PHTF2: variants seen among roughly 807,000 people sequenced by gnomAD.
The protein encoded by PHTF2 is protein PHTF2.
PHTF2 carries 60 observed loss-of-function variants against 101.2 expected under a neutral mutation model. The ratio of observed to expected loss-of-function variants is 0.59; its 90% CI spans 0.48 to 0.73. The LOEUF (loss-of-function observed/expected upper bound fraction) is 0.73. Ranked by LOEUF, PHTF2 falls within the 30% of genes least tolerant of loss-of-function variation. The pLI, the probability that PHTF2 is intolerant of heterozygous loss-of-function variation, is 0.00. For synonymous variants in PHTF2, 311 were observed against 307.3 expected (o/e 1.01, Z -0.13); for missense variants, 747 against 908.7 (o/e 0.82, Z 2.29).
At chr7:77,849,208 C>G (rs1796542071) in intron 2 of PHTF2, among the ~76,000 whole-genome samples, 2 of 152,088 alleles carry the variant, frequency 1.3e-5, no homozygotes, top group Admixed American at 1.3e-4. Context: ...ACTGCAACCT[C>G]TGCCTCCTGG....
intron 9 of PHTF2, among the ~76,000 whole-genome samples, chr7:77,916,843 A>G (rs943175106): frequency 6.6e-6 from 1 of 152,206 alleles, no homozygotes; most frequent in African/African-American, 2.4e-5. Flanking sequence ...ATACGTCTGT[A>G]CATGTTCAGT....
chr7:77,929,052 T>C, intron 11 of PHTF2, 57 bp from the exon 11 acceptor site: 3 of 1,296,142 alleles, frequency 2.3e-6, no homozygotes, highest in Non-Finnish European at 3.3e-6. Flanking sequence ...GATAGTATCC[T>C]TTGAGTTGGA....
At chr7:77,846,287 C>T (rs530400613) in intron 2 of PHTF2, among the ~76,000 whole-genome samples, 5 of 152,244 alleles carry the variant, frequency 3.3e-5, no homozygotes, top group African/African-American at 1.2e-4. Flanking sequence ...TTTCCCTTGC[C>T]AGTGACTGGC....
At chr7:77,923,987 T>A (rs941070404) in intron 11 of PHTF2, 1 of 910,716 alleles carries the variant, frequency 1.1e-6, no homozygotes. Flanking sequence ...ACATCTTTTT[T>A]AATGATATAA....
At chr7:77,910,988 G>A (rs930552926) in intron 9 of PHTF2, among the ~76,000 whole-genome samples, 2 of 152,042 alleles carry the variant, frequency 1.3e-5, no homozygotes, top group Middle Eastern at 3.2e-3. Flanking sequence ...TTTTATCACC[G>A]TTTTGGGTCA....
intron 16 of PHTF2, among the ~76,000 whole-genome samples, chr7:77,945,767 G>A (rs1182093091): frequency 2.0e-5 from 3 of 152,092 alleles, no homozygotes; most frequent in South Asian, 2.1e-4. Context: ...TATTAAAACG[G>A]ACTCAAAAAG....
intron 11 of PHTF2, among the ~76,000 whole-genome samples, chr7:77,926,828 T>C (rs1804048988): frequency 6.6e-6 from 1 of 151,246 alleles, no homozygotes; most frequent in Non-Finnish European, 1.5e-5. Flanking sequence ...AGTACAAAAT[T>C]TAGCCAGGCA....
exon 12 of PHTF2, chr7:77,929,126 T>A (rs372011046): frequency 7.6e-4 from 1,223 of 1,613,338 alleles, no homozygotes; most frequent in Non-Finnish European, 1.0e-3. Context: ...CTAAATCGGG[T>A]ACTAGTTGCA....
chr7:77,862,756 A>G (rs1210977259), intron 3 of PHTF2, among the ~76,000 whole-genome samples: 1 of 152,358 alleles, frequency 6.6e-6, no homozygotes, highest in East Asian at 1.9e-4. Flanking sequence ...TTATATTCCA[A>G]GTGTCTTGCA....
chr7:77,853,165 A>C (rs1353621034), intron 2 of PHTF2, among the ~76,000 whole-genome samples: 1 of 151,972 alleles, frequency 6.6e-6, no homozygotes, highest in Admixed American at 6.6e-5. Flanking sequence ...TTACCCCAAT[A>C]TCTCTCTCTC....
intron 11 of PHTF2, among the ~76,000 whole-genome samples, chr7:77,928,228 A>G (rs1231106235): frequency 6.6e-6 from 1 of 152,178 alleles, no homozygotes; most frequent in African/African-American, 2.4e-5. Flanking sequence ...AAGGATGACT[A>G]TGACCATGAT....
intron 1 of PHTF2, among the ~76,000 whole-genome samples, chr7:77,802,825 C>T (rs529814344): frequency 6.6e-6 from 1 of 152,348 alleles, no homozygotes; most frequent in South Asian, 2.1e-4. Flanking sequence ...GCCACCACTC[C>T]TGGCCAGTGT....
chr7:77,951,760 A>T (rs1417821855), intron 18 of PHTF2, 48 bp downstream of exon 17: 1 of 780,750 alleles, frequency 1.3e-6, no homozygotes, highest in Non-Finnish European at 2.0e-6. Flanking sequence ...TGCTGTTCTG[A>T]CATAATTTTA....
At chr7:77,819,121 T>G (rs1170741759) in intron 1 of PHTF2, among the ~76,000 whole-genome samples, 1 of 152,216 alleles carries the variant, frequency 6.6e-6, no homozygotes, top group African/African-American at 2.4e-5. Context: ...CATCTATCAG[T>G]TCTAAGAGTT....
chr7:77,864,813 T>C (rs1797924142), intron 3 of PHTF2, among the ~76,000 whole-genome samples: 1 of 152,068 alleles, frequency 6.6e-6, no homozygotes. Context: ...CTCTTTACAG[T>C]TTACAGAGTA....
intron 3 of PHTF2, among the ~76,000 whole-genome samples, chr7:77,869,703 T>G (rs566994339): frequency 6.7e-4 from 102 of 152,330 alleles, no homozygotes; most frequent in Non-Finnish European, 1.2e-3. Flanking sequence ...TTCCTCTTTC[T>G]CTAGATCTCA....
At chr7:77,846,011 A>G (rs764062039) in intron 2 of PHTF2, among the ~76,000 whole-genome samples, 2 of 152,122 alleles carry the variant, frequency 1.3e-5, no homozygotes, top group Non-Finnish European at 2.9e-5. Context: ...TTCCCATCAC[A>G]GATGCCTTTC....
At chr7:77,841,407 A>G (rs1233968840) in intron 2 of PHTF2, among the ~76,000 whole-genome samples, 3 of 152,124 alleles carry the variant, frequency 2.0e-5, no homozygotes, top group East Asian at 1.9e-4. Context: ...GTTTTGTTCA[A>G]TTGAAAATAA....
chr7:77,930,519 A>T (rs542482770), intron 12 of PHTF2, among the ~76,000 whole-genome samples: 1 of 152,182 alleles, frequency 6.6e-6, no homozygotes, highest in East Asian at 1.9e-4. Flanking sequence ...TCCTTATCTA[A>T]TCCTGTCAAA....
Sources: allele counts gnomAD v4.1 joint callset (sites outside exome capture counted in the v4.1 genomes callset), GRCh38; gene constraint gnomAD v4.1.1; transcripts MANE v1.5; gene names NCBI Gene and HGNC (gene_info 2026-07-23, HGNC 2026-07-21).